UNC5D: variants seen among roughly 807,000 people sequenced by gnomAD.
UNC5D encodes the protein netrin receptor UNC5D.
Under a neutral mutation model 105.4 loss-of-function variants are expected in UNC5D, and 39 were observed. That is an observed-to-expected ratio of 0.37 (90% CI 0.29 to 0.48). The LOEUF (loss-of-function observed/expected upper bound fraction) is 0.48. Among genes scored for constraint, UNC5D ranks in the 20% least tolerant of loss-of-function variants. The pLI, the probability that UNC5D is intolerant of heterozygous loss-of-function variation, is 0.98. For synonymous variants in UNC5D, 452 were observed against 450.4 expected, an observed-to-expected ratio of 1.00 and a Z score of -0.04; for missense variants, 991 against 1,202.4, an observed-to-expected ratio of 0.82 and a Z score of 2.60.
chr8:35,257,384 T>G lies in UNC5D; in HGVS notation c.103+21497T>G, dbSNP rs75007757. ...CCTAAATAGCACAGAAATGATAGAGTCTGGCTCTCTGGGGCACTGGTCTGC... is the reference window on the plus strand; with the variant it reads ...CCTAAATAGCACAGAAATGATAGAGGCTGGCTCTCTGGGGCACTGGTCTGC... On this transcript the variant is annotated intron_variant, in intron 1 of 16. Transcript: ENST00000404895. Among the ~76,000 whole-genome samples, 1,252 of 152,142 alleles carry G rather than the reference T, an allele frequency of 8.2e-3. 10 individuals carry two copies. The highest frequency in any genetic ancestry group is 0.046 in the South Asian group (220 of 4,820).
intron 3 of UNC5D, among the ~76,000 whole-genome samples, chr8:35,568,539 A>C (rs1180374411): frequency 6.6e-6 from 1 of 152,124 alleles, no homozygotes; most frequent in East Asian, 1.9e-4. Context: ...TAATACAAAA[A>C]TTAGCTAGGT....
chr8:35,321,161 CACAGTTTATAATG>C (rs1021763968), intron 1 of UNC5D, among the ~76,000 whole-genome samples: 6 of 152,058 alleles, frequency 3.9e-5, no homozygotes, highest in Non-Finnish European at 5.9e-5. Flanking sequence ...GCTTTTTGGT[CACAGTTTATAATG>C]ACAGTAGGTT....
Position 35,568,568 on chromosome 8 carries a change from C to T in UNC5D, c.466+327C>T, listed in dbSNP as rs149092189. ...GCTAGGTGTGGTGGTGTGCGTCTGT[C>T]GTCCCAGCTACTTGAGAGGCTGAGG... On this transcript the variant is annotated intron_variant, in intron 3 of 16. Coordinates refer to ENST00000404895, the MANE Select transcript of UNC5D (RefSeq NM_080872.4). Among the ~76,000 whole-genome samples, 936 of 152,204 alleles carry T rather than the reference C, an allele frequency of 6.1e-3. 4 individuals are homozygous for T. The highest frequency in any genetic ancestry group is 0.022 in the African/African-American group (901 of 41,556).
intron 4 of UNC5D, among the ~76,000 whole-genome samples, chr8:35,680,703 A>G (rs1050705138): frequency 2.0e-5 from 3 of 152,152 alleles, no homozygotes; most frequent in African/African-American, 7.2e-5. Flanking sequence ...CCTTTAGGGC[A>G]GCTTTTCTTG....
At chr8:35,725,249 G>A (rs1828798903) in intron 9 of UNC5D, among the ~76,000 whole-genome samples, 1 of 152,160 alleles carries the variant, frequency 6.6e-6, no homozygotes, top group Non-Finnish European at 1.5e-5. Context: ...TTGACGGACT[G>A]ATATGGGTGT....
At chr8:35,387,982 A>C (rs939166744) in intron 1 of UNC5D, among the ~76,000 whole-genome samples, 3 of 152,214 alleles carry the variant, frequency 2.0e-5, no homozygotes, top group African/African-American at 7.2e-5. Flanking sequence ...CCCAAAGAGC[A>C]GGACACTCAA....
intron 1 of UNC5D, among the ~76,000 whole-genome samples, chr8:35,425,849 G>T (rs1806215428): frequency 6.6e-6 from 1 of 152,074 alleles, no homozygotes; most frequent in Non-Finnish European, 1.5e-5. Flanking sequence ...AGGATACATA[G>T]TTATGTTTTG....
At chr8:35,655,167 A>T (rs903143920) in intron 4 of UNC5D, among the ~76,000 whole-genome samples, 5 of 152,218 alleles carry the variant, frequency 3.3e-5, no homozygotes, top group African/African-American at 1.2e-4. Flanking sequence ...ATTGGATTAT[A>T]AATTGCTTTA....
At chr8:35,456,634 G>C (rs1334223867) in intron 1 of UNC5D, among the ~76,000 whole-genome samples, 2 of 152,186 alleles carry the variant, frequency 1.3e-5, no homozygotes, top group African/African-American at 4.8e-5. Context: ...TTGCCTAAAA[G>C]TACAAACGTA....
At chr8:35,263,300 A>G (rs1182045311) in intron 1 of UNC5D, among the ~76,000 whole-genome samples, 2 of 152,258 alleles carry the variant, frequency 1.3e-5, no homozygotes, top group Non-Finnish European at 2.9e-5. Flanking sequence ...ATTACAATTA[A>G]TAAATTGCTT....
At chr8:35,652,237 A>T (rs1211966165) in intron 4 of UNC5D, among the ~76,000 whole-genome samples, 1 of 152,330 alleles carries the variant, frequency 6.6e-6, no homozygotes, top group East Asian at 1.9e-4. Context: ...GAACTTAAAG[A>T]GTCAACTAGT....
intron 7 of UNC5D, among the ~76,000 whole-genome samples, chr8:35,702,698 T>A (rs1827291855): frequency 6.6e-6 from 1 of 152,180 alleles, no homozygotes. Context: ...TGTAGAACAA[T>A]CTCGATCAGA....
intron 13 of UNC5D, among the ~76,000 whole-genome samples, chr8:35,755,290 T>C (rs1219616330): frequency 6.6e-6 from 1 of 152,180 alleles, no homozygotes; most frequent in Non-Finnish European, 1.5e-5. Flanking sequence ...TTTTTGCCAT[T>C]GCTCCCAGCA....
intron 1 of UNC5D, among the ~76,000 whole-genome samples, chr8:35,325,256 C>T (rs1002065413): frequency 6.6e-6 from 1 of 152,080 alleles, no homozygotes; most frequent in African/African-American, 2.4e-5. Context: ...AGACACTAGG[C>T]ATTAGGGATG....
At chr8:35,569,768 G>A (rs1817597199) in intron 3 of UNC5D, among the ~76,000 whole-genome samples, 1 of 152,172 alleles carries the variant, frequency 6.6e-6, no homozygotes. Flanking sequence ...GTCTCAATCA[G>A]GCCAGCCAGG....
intron 4 of UNC5D, among the ~76,000 whole-genome samples, chr8:35,659,912 G>A (rs931412514): frequency 2.6e-5 from 4 of 152,192 alleles, no homozygotes; most frequent in Non-Finnish European, 4.4e-5. Context: ...GGAAGGAAAA[G>A]AATAGAGCAG....
At chr8:35,368,701 G>C (rs1359707916) in intron 1 of UNC5D, among the ~76,000 whole-genome samples, 1 of 152,148 alleles carries the variant, frequency 6.6e-6, no homozygotes, top group East Asian at 1.9e-4. Context: ...CCCACCATGG[G>C]ATTTATTTGA....
At chr8:35,783,885 C>T (rs562631748) in intron 16 of UNC5D, among the ~76,000 whole-genome samples, 1 of 152,238 alleles carries the variant, frequency 6.6e-6, no homozygotes, top group Non-Finnish European at 1.5e-5. Context: ...AAAAAGAAAA[C>T]AGAAGGCTCA....
At chr8:35,517,630 A>G (rs1347023014) in intron 1 of UNC5D, among the ~76,000 whole-genome samples, 4 of 152,212 alleles carry the variant, frequency 2.6e-5, no homozygotes, top group African/African-American at 9.6e-5. Context: ...TTCATAAAGC[A>G]TAATGCAAAG....
Sources: allele counts gnomAD v4.1 joint callset (sites outside exome capture counted in the v4.1 genomes callset), GRCh38; gene constraint gnomAD v4.1.1; transcripts MANE v1.5; gene names NCBI Gene and HGNC (gene_info 2026-07-23, HGNC 2026-07-21).